Variants in GRID1 observed in about 807,000 individuals in gnomAD.
GRID1 encodes the protein glutamate receptor ionotropic, delta-1.
Under a neutral mutation model 98.0 loss-of-function variants are expected in GRID1, and 28 were observed. The ratio of observed to expected loss-of-function variants is 0.29; its 90% confidence interval spans 0.21 to 0.39. GRID1 has a LOEUF of 0.39. Among genes scored for constraint, GRID1 ranks in the 10% least tolerant of loss-of-function variants. The probability of loss-of-function intolerance (pLI) is 1.00; values close to 1 mark genes in which losing one functional copy is unlikely to be tolerated. For synonymous variants in GRID1, 553 were observed against 538.5 expected, an observed-to-expected ratio of 1.03 and a Z score of -0.37; for missense variants, 1,111 against 1,340.5, an observed-to-expected ratio of 0.83 and a Z score of 2.67.
rs1016172076 is a variant in GRID1, at chr10:86,334,180, C to A, written c.235+29761G>T. Among the ~76,000 whole-genome samples the A allele has an allele frequency of 3.9e-5, 6 of 152,138 alleles. No homozygotes were observed. In the East Asian group the frequency reaches 1.2e-3, roughly 29 times the overall value. ...CTGTGTTCCATTTCCGGGGACTATGCCTGCCTTAAACTGCTTTGAAGAGCA... is the reference window on the plus strand; with the variant it reads ...CTGTGTTCCATTTCCGGGGACTATGACTGCCTTAAACTGCTTTGAAGAGCA... On this transcript the variant is annotated intron_variant, in intron 2 of 15. Coordinates refer to ENST00000327946, the MANE Select transcript of GRID1 (RefSeq NM_017551.3).
intron 4 of GRID1, among the ~76,000 whole-genome samples, chr10:85,939,277 C>A (rs909715527): frequency 3.3e-5 from 5 of 152,232 alleles, no homozygotes; most frequent in African/African-American, 1.2e-4. Flanking sequence ...AGATTGCTTT[C>A]TTATTAGCTT....
chr10:85,831,808 A>G (rs1014065308), intron 8 of GRID1, among the ~76,000 whole-genome samples: 2 of 152,112 alleles, frequency 1.3e-5, no homozygotes, highest in African/African-American at 4.8e-5. Flanking sequence ...GAATTCAGCT[A>G]AAACAGTACT....
intron 4 of GRID1, among the ~76,000 whole-genome samples, chr10:86,054,802 C>A (rs1312336399): frequency 6.6e-6 from 1 of 152,322 alleles, no homozygotes; most frequent in Admixed American, 6.5e-5. Flanking sequence ...CTCTCTGTAT[C>A]CCTGCTCTTG....
intron 4 of GRID1, among the ~76,000 whole-genome samples, chr10:86,029,815 G>A (rs1347914140): frequency 6.6e-6 from 1 of 152,108 alleles, no homozygotes; most frequent in Non-Finnish European, 1.5e-5. Context: ...ATGAAAGTGA[G>A]TAGGGTGTCC....
intron 4 of GRID1, among the ~76,000 whole-genome samples, chr10:86,002,094 G>A (rs141950458): frequency 6.6e-6 from 1 of 152,286 alleles, no homozygotes; most frequent in East Asian, 1.9e-4. Flanking sequence ...AGTCATACTG[G>A]ATTAGGATCA....
At chr10:85,757,666 T>A (rs1842111883) in intron 8 of GRID1, among the ~76,000 whole-genome samples, 2 of 152,204 alleles carry the variant, frequency 1.3e-5, no homozygotes, top group Non-Finnish European at 2.9e-5. Flanking sequence ...GGAGCTGAAG[T>A]TGGTCCATGT....
chr10:86,321,053 T>A (rs1847963459), intron 2 of GRID1, among the ~76,000 whole-genome samples: 1 of 146,276 alleles, frequency 6.8e-6, no homozygotes, highest in East Asian at 2.0e-4. Flanking sequence ...TGAGCCAAGA[T>A]CGCGCCACTG....
At chr10:85,956,924 A>G (rs1842202115) in intron 4 of GRID1, among the ~76,000 whole-genome samples, 1 of 152,206 alleles carries the variant, frequency 6.6e-6, no homozygotes, top group African/African-American at 2.4e-5. Context: ...TAAAGGAAAG[A>G]GGTTTAATTG....
At chr10:85,994,056 T>C (rs1842712926) in intron 4 of GRID1, among the ~76,000 whole-genome samples, 1 of 152,234 alleles carries the variant, frequency 6.6e-6, no homozygotes, top group South Asian at 2.1e-4. Flanking sequence ...CTGAGCCATC[T>C]TCCCTGATGA....
chr10:86,198,051 C>T (rs1845900311), intron 3 of GRID1, among the ~76,000 whole-genome samples: 1 of 152,114 alleles, frequency 6.6e-6, no homozygotes, highest in African/African-American at 2.4e-5. Context: ...ATCTGGCCTG[C>T]TTTGCCAGGG....
intron 4 of GRID1, among the ~76,000 whole-genome samples, chr10:85,961,372 C>T (rs915345379): frequency 1.7e-4 from 26 of 152,080 alleles, no homozygotes; most frequent in Admixed American, 1.6e-3. Context: ...CCCTGTAGAG[C>T]CCACCAGGGA....
chr10:85,809,221 A>AG (rs1306522690), intron 8 of GRID1, among the ~76,000 whole-genome samples: 6 of 152,178 alleles, frequency 3.9e-5, no homozygotes, highest in African/African-American at 1.4e-4. Context: ...GAGGAAAAAA[A>AG]CAGAGCATAA....
At chr10:85,872,430 T>G (rs1843287388) in intron 5 of GRID1, among the ~76,000 whole-genome samples, 1 of 152,186 alleles carries the variant, frequency 6.6e-6, no homozygotes, top group Non-Finnish European at 1.5e-5. Context: ...AGTCCTTTGA[T>G]TAAACTTCTC....
intron 3 of GRID1, among the ~76,000 whole-genome samples, chr10:86,150,536 G>A (rs993551806): frequency 6.6e-5 from 10 of 152,164 alleles, no homozygotes; most frequent in African/African-American, 2.4e-4. Context: ...AATTTCCAGG[G>A]GCTCCAAAGC....
intron 5 of GRID1, among the ~76,000 whole-genome samples, chr10:85,904,668 G>A (rs1324391235): frequency 5.3e-5 from 8 of 149,710 alleles, no homozygotes; most frequent in South Asian, 4.2e-4. Context: ...AAGATTTAAC[G>A]AAAAAACTCA....
Position 86,336,061 on chromosome 10 carries a change from C to A in GRID1, c.235+27880G>T, listed in dbSNP as rs114925573. 8.7e-3 allele frequency among the ~76,000 whole-genome samples: 1,318 copies of A among 152,282 alleles called. 20 individuals carry two copies. The highest frequency in any genetic ancestry group is 0.044 in the Middle Eastern group (13 of 294). ...ACATGAACATCACACCTGTTGATCC[C>A]AAACATTGAAGACAGAAGGGCGGCA... On this transcript the variant is annotated intron_variant, in intron 2 of 15. Transcript: ENST00000327946.
At chr10:85,895,278 T>A (rs1425297519) in intron 5 of GRID1, among the ~76,000 whole-genome samples, 1 of 151,924 alleles carries the variant, frequency 6.6e-6, no homozygotes, top group Non-Finnish European at 1.5e-5. Context: ...TCCACCTTTT[T>A]TCCTTTTTCC....
chr10:86,110,748 C>T (rs929965559), intron 4 of GRID1, among the ~76,000 whole-genome samples: 1 of 152,196 alleles, frequency 6.6e-6, no homozygotes, highest in Non-Finnish European at 1.5e-5. Flanking sequence ...ATGAGGTGGG[C>T]ACCCCAGAAG....
At chr10:85,838,426 C>G (rs1590257699) in intron 8 of GRID1, among the ~76,000 whole-genome samples, 1 of 152,106 alleles carries the variant, frequency 6.6e-6, no homozygotes, top group African/African-American at 2.4e-5. Context: ...GACCAGGTCA[C>G]CAACAAGGGA....
Sources: allele counts gnomAD v4.1 joint callset (sites outside exome capture counted in the v4.1 genomes callset), GRCh38; gene constraint gnomAD v4.1.1; transcripts MANE v1.5; gene names NCBI Gene and HGNC (gene_info 2026-07-23, HGNC 2026-07-21).